The following SHLD1 variants were observed in gnomAD, a reference collection of about 807,000 sequenced individuals.
The protein encoded by SHLD1 is RINN1-REV7-interacting novel NHEJ regulator 3.
SHLD1 carries 3 observed loss-of-function variants against 5.5 expected under a neutral mutation model. The ratio of observed to expected loss-of-function variants is 0.54; its 90% CI spans 0.25 to 1.40. The LOEUF (loss-of-function observed/expected upper bound fraction) is 1.40, where lower values mean the gene tolerates loss of function less well. Among genes scored for constraint, SHLD1 ranks in the 40% most tolerant of loss-of-function variants. The probability of loss-of-function intolerance (pLI) is 0.15; values close to 1 mark genes in which losing one functional copy is unlikely to be tolerated. For synonymous variants in SHLD1, 92 were observed against 94.3 expected (o/e 0.98, Z 0.14); for missense variants, 210 against 244.4 (o/e 0.86, Z 0.94).
intron 2 of SHLD1, among the ~76,000 whole-genome samples, chr20:5,795,522 C>T (rs2087199034): frequency 6.9e-6 from 1 of 145,538 alleles, no homozygotes; most frequent in South Asian, 2.2e-4. Context: ...TTGCTTGAAC[C>T]CGGGAGGCAG....
intron 2 of SHLD1, among the ~76,000 whole-genome samples, chr20:5,853,476 G>A (rs539304782): frequency 7.9e-5 from 12 of 151,612 alleles, no homozygotes; most frequent in Admixed American, 4.6e-4. Flanking sequence ...TAAACAAATC[G>A]TGTGTGTGTG....
chr20:5,781,414 T>G (rs1384940373), intron 2 of SHLD1, among the ~76,000 whole-genome samples: 2 of 152,142 alleles, frequency 1.3e-5, no homozygotes, highest in Non-Finnish European at 2.9e-5. Context: ...AAGAAAAATA[T>G]AGAGTGTTCC....
At chr20:5,773,084 T>C (rs1056107709) in intron 2 of SHLD1, 41 bp downstream of exon 2, 5 of 1,592,054 alleles carry the variant, frequency 3.1e-6, no homozygotes, top group East Asian at 2.2e-5. Context: ...TAAAAACAAC[T>C]AGCAGCAATA....
intron 2 of SHLD1, among the ~76,000 whole-genome samples, chr20:5,786,176 C>A (rs931719407): frequency 9.9e-5 from 15 of 152,172 alleles, no homozygotes; most frequent in Non-Finnish European, 2.1e-4. Flanking sequence ...TCCCTCTTCC[C>A]CAAGGTGGGT....
rs372078572 is a variant in SHLD1 at position 5,855,602 on chromosome 20, G to T, written c.179-7422G>T. 1.5e-3 allele frequency among the ~76,000 whole-genome samples: 223 copies of T among 152,104 alleles called. No homozygotes were observed. Among genetic ancestry groups the T allele is most frequent in the South Asian group, 6.2e-3 (30 of 4,810 alleles). The stretch of plus-strand genomic sequence containing the variant: ...GCCCAGGCTGGTCTTGAACTCCTGG[G>T]CTCAAGAGATCCACTTTCCTTGGCC... On this transcript the variant is annotated intron_variant, in intron 2 of 2. Transcript: ENST00000303142. The surrounding 1 kb of genome is among the most constrained non-coding windows in gnomAD (Gnocchi z 4.4).
At chr20:5,836,788 A>G (rs2087794507) in intron 2 of SHLD1, among the ~76,000 whole-genome samples, 2 of 152,192 alleles carry the variant, frequency 1.3e-5, no homozygotes, top group African/African-American at 2.4e-5. Flanking sequence ...AGAGCTTCCA[A>G]TGAGCATTTT....
At chr20:5,782,535 C>T (rs1012826994) in intron 2 of SHLD1, among the ~76,000 whole-genome samples, 2 of 152,226 alleles carry the variant, frequency 1.3e-5, no homozygotes. Context: ...AGAGCAGTGT[C>T]GGGGAAATTG....
intron 2 of SHLD1, among the ~76,000 whole-genome samples, chr20:5,858,813 T>TGACA (rs1024500387): frequency 2.6e-5 from 4 of 152,084 alleles, no homozygotes; most frequent in African/African-American, 9.7e-5. Context: ...CCAGCTTGGG[T>TGACA]GACAGAGTAA....
chr20:5,819,726 G>A (rs1441543352), intron 2 of SHLD1, among the ~76,000 whole-genome samples: 1 of 152,200 alleles, frequency 6.6e-6, no homozygotes, highest in Non-Finnish European at 1.5e-5. Flanking sequence ...GGAGGTTGAG[G>A]CAGGAGGATG....
intron 1 of SHLD1, among the ~76,000 whole-genome samples, chr20:5,771,034 A>G (rs1985123075): frequency 1.3e-5 from 2 of 152,224 alleles, no homozygotes; most frequent in South Asian, 4.1e-4. Flanking sequence ...CTTTCTGATT[A>G]TATGGCTAGA....
intron 2 of SHLD1, among the ~76,000 whole-genome samples, chr20:5,851,748 A>C (rs908793935): frequency 6.6e-6 from 1 of 151,844 alleles, no homozygotes; most frequent in Non-Finnish European, 1.5e-5. Context: ...TATCGTTTGG[A>C]TGTCTGTCCC....
chr20:5,783,523 C>T (rs1009833227), intron 2 of SHLD1, among the ~76,000 whole-genome samples: 5 of 152,170 alleles, frequency 3.3e-5, no homozygotes, highest in African/African-American at 1.2e-4. Context: ...CATGCCCAGC[C>T]TCCTAGATTG....
chr20:5,798,233 A>G (rs1001366809), intron 2 of SHLD1, among the ~76,000 whole-genome samples: 1 of 152,066 alleles, frequency 6.6e-6, no homozygotes, highest in African/African-American at 2.4e-5. Context: ...TTCTGACAAC[A>G]TGGTGGCTGA....
intron 2 of SHLD1, among the ~76,000 whole-genome samples, chr20:5,854,826 T>C (rs926437868): frequency 6.6e-6 from 1 of 150,874 alleles, no homozygotes; most frequent in African/African-American, 2.4e-5. Context: ...CTTTTCCCTC[T>C]CCCCAGCTTC....
chr20:5,750,838 A>G (rs1405703166), intron 1 of SHLD1, among the ~76,000 whole-genome samples: 1 of 145,778 alleles, frequency 6.9e-6, no homozygotes, highest in Admixed American at 6.7e-5. Context: ...TTTAAAGCGT[A>G]AAAAAAAATC....
At position 5,818,749 on chromosome 20, in the gene SHLD1, T is replaced by C. The variant is rs374537691; in HGVS notation, c.179-44275T>C. 3.3e-5 allele frequency among the ~76,000 whole-genome samples: 5 copies of C among 152,282 alleles called. 1 individual carries two copies. The highest frequency in any genetic ancestry group is 1.2e-4 in the African/African-American group (5 of 41,558). On this transcript the variant is annotated intron_variant, in intron 2 of 2. Coordinates refer to ENST00000303142, the MANE Select transcript of SHLD1 (RefSeq NM_152504.4). ...TCTTGGAATGAGGTGATTGATTGGA[T>C]CTTACAATAAGGCGATGATGTTGGG... is the stretch of plus-strand genomic sequence containing the variant.
intron 2 of SHLD1, among the ~76,000 whole-genome samples, chr20:5,788,469 G>A (rs375260137): frequency 6.6e-6 from 1 of 152,218 alleles, no homozygotes; most frequent in African/African-American, 2.4e-5. Context: ...TACCCAGAGA[G>A]CTGCTGCTCT....
chr20:5,857,298 A>G (rs1206727038), intron 2 of SHLD1, among the ~76,000 whole-genome samples: 1 of 152,122 alleles, frequency 6.6e-6, no homozygotes, highest in Non-Finnish European at 1.5e-5. Context: ...TCCATTATGA[A>G]CATTAGTTTA....
chr20:5,841,758 T>C (rs182710941), intron 2 of SHLD1, among the ~76,000 whole-genome samples: 122 of 152,322 alleles, frequency 8.0e-4, no homozygotes, highest in African/African-American at 2.9e-3. Flanking sequence ...TTTCTCATGA[T>C]CTCTTCAAAG....
Sources: allele counts gnomAD v4.1 joint callset (sites outside exome capture counted in the v4.1 genomes callset), GRCh38; gene constraint gnomAD v4.1.1; non-coding constraint Gnocchi (gnomAD v3.1); transcripts MANE v1.5; gene names NCBI Gene and HGNC (gene_info 2026-07-23, HGNC 2026-07-21).